SPTB: variants seen among roughly 807,000 people sequenced by gnomAD.
The protein encoded by SPTB is spectrin beta, erythrocytic, also known as spectrin beta chain, erythrocytic.
SPTB carries 45 observed loss-of-function variants against 256.2 expected under a neutral mutation model. The observed-to-expected ratio is 0.18, with a 90% CI of 0.14 to 0.23. The LOEUF is 0.23. SPTB is among the 10% of genes least tolerant of loss of function. The probability of loss-of-function intolerance (pLI) is 1.00; values close to 1 mark genes in which losing one functional copy is unlikely to be tolerated. For missense variants in SPTB, 2,715 were observed against 3,040.4 expected (o/e 0.89, Z 2.52); for synonymous variants, 1,231 against 1,243.1 (o/e 0.99, Z 0.21).
intron 32 of SPTB, chr14:64,755,417 C>T (rs1357507369): frequency 6.6e-6 from 1 of 152,166 alleles, no homozygotes; most frequent in Non-Finnish European, 1.5e-5. Context: ...TAAAACTGGT[C>T]ATGTTTGTAT....
chr14:64,749,906 C>CAG lies in SPTB; in HGVS notation c.6776+73_6776+74dup. On this transcript the variant is annotated intron_variant, in intron 34 of 35. Coordinates refer to ENST00000644917, the MANE Select transcript of SPTB (RefSeq NM_001355436.2). The surrounding 1 kb of genome is among the most constrained non-coding windows in gnomAD (Gnocchi z 4.7). ...GCTCAGGCCTGGCACTGGTCCCCTA[C>CAG]AGAGGGCCTCTGCCCTGCCACTAAT... The CAG allele has an allele frequency of 6.3e-7, 1 of 1,594,612 alleles. No individual in the cohort carries two copies. Among genetic ancestry groups the CAG allele is most frequent in the Non-Finnish European group, 8.6e-7 (1 of 1,162,658 alleles).
intron 1 of SPTB, among the ~76,000 whole-genome samples, chr14:64,840,707 C>T (rs888844493): frequency 6.6e-6 from 1 of 152,158 alleles, no homozygotes; most frequent in Non-Finnish European, 1.5e-5. Context: ...CTTCACCATC[C>T]CCACACACTT....
chr14:64,802,435 T>G lies in SPTB; in HGVS notation c.475-118A>C. On this transcript the variant is annotated intron_variant, in intron 4 of 35. Transcript: ENST00000644917. This position sits in a 1 kb window ranked among gnomAD's most constrained non-coding sequence, Gnocchi z 5.1. ...CCTTCACTTAACACTAATTCATCCT[T>G]TAAGAGCCAGTATAAATGGCGCTTG... 1 of 947,046 alleles carries G rather than the reference T, an allele frequency of 1.1e-6. No individual in the cohort carries two copies. Among genetic ancestry groups the G allele is most frequent in the Non-Finnish European group, 1.7e-6 (1 of 602,336 alleles). 58.7% of individuals were successfully genotyped at this position (947,046 alleles called of 1,614,324 possible). A position where few individuals can be genotyped will look rare whatever the true frequency, so the allele number is the denominator to read the frequency against.
chr14:64,830,625 G>A (rs965372822), intron 1 of SPTB, among the ~76,000 whole-genome samples: 1 of 152,080 alleles, frequency 6.6e-6, no homozygotes, highest in Non-Finnish European at 1.5e-5. Flanking sequence ...ATTTCTTTAT[G>A]TTTTAAAGCT....
At chr14:64,808,523 T>C (rs1461707804) in intron 2 of SPTB, among the ~76,000 whole-genome samples, 3 of 152,188 alleles carry the variant, frequency 2.0e-5, no homozygotes, top group African/African-American at 7.2e-5. Flanking sequence ...CTCAAATATA[T>C]CCAGTAATAA....
chr14:64,761,976 A>G (rs535149470), intron 32 of SPTB, among the ~76,000 whole-genome samples: 30 of 152,298 alleles, frequency 2.0e-4, no homozygotes, highest in African/African-American at 6.7e-4. Flanking sequence ...CTGGAAAGGA[A>G]GAACTTAGGA....
Position 64,749,519 on chromosome 14 carries a change from C to G in SPTB, c.6820-46G>C. 1 of 1,597,680 alleles carries G rather than the reference C, an allele frequency of 6.3e-7. No individual in the cohort carries two copies. The highest frequency in any genetic ancestry group is 1.1e-5 in the South Asian group (1 of 90,638). ...GTGGAGTCTGGAGGCCCACAGCCCC[C>G]CACCTCCCGGGCCAGGCAACAATGG... On this transcript the variant is annotated intron_variant, in intron 35 of 35. Transcript: ENST00000644917. This position sits in a 1 kb window ranked among gnomAD's most constrained non-coding sequence, Gnocchi z 4.7.
intron 15 of SPTB, among the ~76,000 whole-genome samples, chr14:64,788,818 A>G (rs2082620550): frequency 6.6e-6 from 1 of 152,176 alleles, no homozygotes; most frequent in African/African-American, 2.4e-5. Flanking sequence ...GAGCCACTCT[A>G]GTTATCACTG....
chr14:64,776,502 G>A (rs1363633770), intron 22 of SPTB, among the ~76,000 whole-genome samples: 1 of 152,116 alleles, frequency 6.6e-6, no homozygotes, highest in African/African-American at 2.4e-5. Context: ...GGAGTGCAGT[G>A]GCACAATCAG....
intron 1 of SPTB, among the ~76,000 whole-genome samples, chr14:64,851,765 A>C (rs1006466793): frequency 6.6e-6 from 1 of 152,162 alleles, no homozygotes; most frequent in Non-Finnish European, 1.5e-5. Flanking sequence ...ACGCAGGAAT[A>C]GAAAACCAAA....
At chr14:64,851,339 A>T (rs2083782218) in intron 1 of SPTB, among the ~76,000 whole-genome samples, 2 of 152,220 alleles carry the variant, frequency 1.3e-5, no homozygotes, top group African/African-American at 4.8e-5. Flanking sequence ...CTATAAAACA[A>T]GGATACTAAC....
At chr14:64,838,969 C>T (rs1234713638) in intron 1 of SPTB, among the ~76,000 whole-genome samples, 1 of 152,022 alleles carries the variant, frequency 6.6e-6, no homozygotes, top group Non-Finnish European at 1.5e-5. Flanking sequence ...CCCATCTCTA[C>T]CAAAAATACA....
chr14:64,767,523 T>C, intron 30 of SPTB, 140 bp downstream of exon 30: 2 of 1,376,236 alleles, frequency 1.5e-6, no homozygotes, highest in South Asian at 2.3e-5. Context: ...CTGCCACTTG[T>C]CTTTCCTTCC....
In SPTB at chr14:64,847,167, T is replaced by C. The variant is rs2083706430; in HGVS notation, c.-51-24022A>G. 6.6e-6 allele frequency among the ~76,000 whole-genome samples: 1 copy of C among 152,184 alleles called. No homozygotes were observed. The highest frequency in any genetic ancestry group is 2.4e-5 in the African/African-American group (1 of 41,438). On this transcript the variant is annotated intron_variant, in intron 1 of 35. Transcript: ENST00000644917. The surrounding 1 kb of genome is among the most constrained non-coding windows in gnomAD (Gnocchi z 5.9). ...CGGCTCTTGGTCCAGGACCTAATCTTCAAAGCTCCAGAAAATTAAAACAGA... is the reference window on the plus strand; with the variant it reads ...CGGCTCTTGGTCCAGGACCTAATCTCCAAAGCTCCAGAAAATTAAAACAGA...
chr14:64,766,440 A>G (rs1293123434), intron 32 of SPTB: 7 of 1,413,666 alleles, frequency 5.0e-6, no homozygotes, highest in Non-Finnish European at 6.4e-6. Context: ...TTTATACAAT[A>G]AAATTTATTA....
chr14:64,763,398 A>G (rs2082121403), intron 32 of SPTB, among the ~76,000 whole-genome samples: 1 of 152,238 alleles, frequency 6.6e-6, no homozygotes, highest in Admixed American at 6.5e-5. Flanking sequence ...CAAACACCCC[A>G]GCCCTTTACT....
At chr14:64,879,696 C>T (rs1310678011) in intron 1 of SPTB, 96 bp downstream of exon 1, 2 of 152,400 alleles carry the variant, frequency 1.3e-5, no homozygotes, top group African/African-American at 4.8e-5. Context: ...GTCAGGCGCC[C>T]CCTGGGCCCA....
rs772481672 is a variant in SPTB, at chr14:64,795,412, C to T, written c.1569G>A (p.Arg523=). The change falls in exon 12 of 36, where the codon AGG becomes AGA. Residue 523 remains arginine (R), a synonymous_variant. Coordinates refer to ENST00000644917, the MANE Select transcript of SPTB (RefSeq NM_001355436.2). The surrounding 1 kb of genome is among the most constrained non-coding windows in gnomAD (Gnocchi z 6.5). ...TCTGCAGTGCCAGGGTGGTCTCGAG[C>T]CTCTGGCGCCGGGACTGCAGCAGCT... ...LQELLQSRRQ[R]LETTLALQKL... is the part of the protein sequence containing the mutation. The T allele has an allele frequency of 6.2e-7, 1 of 1,614,152 alleles. No individual in the cohort carries two copies. The highest frequency in any genetic ancestry group is 1.3e-5 in the African/African-American group (1 of 75,064).
rs1471695701 is a variant in SPTB at position 64,826,075 on chromosome 14, C to A, written c.-51-2930G>T. Among the ~76,000 whole-genome samples, 2 of 152,218 alleles carry A rather than the reference C, an allele frequency of 1.3e-5. No individual in the cohort carries two copies. Among genetic ancestry groups the A allele is most frequent in the Non-Finnish European group, 2.9e-5 (2 of 68,048 alleles). ...TGAAAGTGAGGCCCCTTTCCTTGTG[C>A]CCTCTTCCCCTGCCATGCCCACCCC... On this transcript the variant is annotated intron_variant, in intron 1 of 35. Coordinates refer to ENST00000644917, the MANE Select transcript of SPTB (RefSeq NM_001355436.2). This position sits in a 1 kb window ranked among gnomAD's most constrained non-coding sequence, Gnocchi z 4.4.
Sources: gnomAD v4.1 joint callset for allele counts (sites outside exome capture counted in the v4.1 genomes callset) on GRCh38, gnomAD v4.1.1 for gene constraint, Gnocchi (gnomAD v3.1) non-coding constraint, MANE v1.5 for transcripts, NCBI Gene and HGNC (gene_info 2026-07-23, HGNC 2026-07-21) for gene names.